PREX2: variants seen among roughly 807,000 people sequenced by gnomAD.
The protein encoded by PREX2 is phosphatidylinositol 3,4,5-trisphosphate-dependent Rac exchanger 2 protein.
Under a neutral mutation model 203.2 loss-of-function variants are expected in PREX2, and 107 were observed. That is an observed-to-expected ratio of 0.53 (90% CI 0.45 to 0.62). The LOEUF (loss-of-function observed/expected upper bound fraction) is 0.62, where lower values mean the gene tolerates loss of function less well. Among genes scored for constraint, PREX2 ranks in the 20% least tolerant of loss-of-function variants. PREX2 has a pLI of 0.00. For missense variants in PREX2, 1,777 were observed against 1,955.9 expected (o/e 0.91, Z 1.72); for synonymous variants, 672 against 663.6 (o/e 1.01, Z -0.19).
intron 23 of PREX2, chr8:68,100,231 A>G (rs1203184093): frequency 6.6e-6 from 3 of 456,526 alleles, no homozygotes; most frequent in South Asian, 1.6e-5. Context: ...CAGAAAGTAC[A>G]TAGACTGTGG....
chr8:68,031,042 A>T (rs375696601), intron 6 of PREX2, among the ~76,000 whole-genome samples: 1 of 151,940 alleles, frequency 6.6e-6, no homozygotes, highest in East Asian at 1.9e-4. Flanking sequence ...TTACTTTCAG[A>T]CTCTAAATTA....
At chr8:68,080,952 CA>C (rs1336272429) in intron 17 of PREX2, 114 bp downstream of exon 17, 1 of 712,130 alleles carries the variant, frequency 1.4e-6, no homozygotes, top group Non-Finnish European at 2.5e-6. Context: ...TTATCTTTAT[CA>C]AACATAATGT....
chr8:67,957,700 A>G (rs1000048843), intron 1 of PREX2, among the ~76,000 whole-genome samples: 3 of 152,198 alleles, frequency 2.0e-5, no homozygotes, highest in Non-Finnish European at 4.4e-5. Flanking sequence ...ATTTGAATGC[A>G]TCTGAAATCA....
chr8:68,048,276 A>G (rs888736852), intron 8 of PREX2, among the ~76,000 whole-genome samples: 1 of 152,090 alleles, frequency 6.6e-6, no homozygotes, highest in Non-Finnish European at 1.5e-5. Context: ...ATTAATTTTC[A>G]TGGTAATTTT....
At chr8:68,173,456 T>C (rs913306934) in intron 35 of PREX2, among the ~76,000 whole-genome samples, 1 of 152,202 alleles carries the variant, frequency 6.6e-6, no homozygotes, top group Non-Finnish European at 1.5e-5. Flanking sequence ...CTTGCCACCA[T>C]TGCTTTACTG....
intron 6 of PREX2, among the ~76,000 whole-genome samples, chr8:68,034,450 A>T (rs1807975034): frequency 1.3e-5 from 2 of 152,178 alleles, no homozygotes. Flanking sequence ...GAGTATCAAT[A>T]AACATTACGT....
intron 1 of PREX2, among the ~76,000 whole-genome samples, chr8:67,975,272 GTTTTTTTTTT>G (rs75276095): frequency 4.1e-5 from 4 of 96,830 alleles, no homozygotes; most frequent in South Asian, 3.0e-4. Flanking sequence ...CACACGGCCT[GTTTTTTTTTT>G]TTTTTTTTTT....
intron 14 of PREX2, among the ~76,000 whole-genome samples, chr8:68,074,041 A>C (rs1809275586): frequency 6.6e-6 from 1 of 151,708 alleles, no homozygotes; most frequent in Non-Finnish European, 1.5e-5. Flanking sequence ...ATCTCGGCTC[A>C]CTGCAACTTT....
chr8:68,143,423 A>G (rs1811264867), intron 33 of PREX2, among the ~76,000 whole-genome samples: 1 of 152,172 alleles, frequency 6.6e-6, no homozygotes, highest in Non-Finnish European at 1.5e-5. Context: ...CCTCCTCAGA[A>G]GCTGAGCAGA....
At chr8:68,149,059 CTT>C (rs972226106) in intron 34 of PREX2, among the ~76,000 whole-genome samples, 4 of 152,174 alleles carry the variant, frequency 2.6e-5, no homozygotes, top group Admixed American at 2.6e-4. Flanking sequence ...ATACATGACT[CTT>C]TGCTAGCAAA....
intron 34 of PREX2, among the ~76,000 whole-genome samples, chr8:68,151,272 C>G (rs373184198): frequency 1.3e-5 from 2 of 151,980 alleles, no homozygotes; most frequent in African/African-American, 4.8e-5. Flanking sequence ...AAAAAATTAG[C>G]TGGTTCTGGT....
intron 6 of PREX2, among the ~76,000 whole-genome samples, chr8:68,032,588 T>G (rs959634512): frequency 3.5e-4 from 54 of 152,264 alleles, no homozygotes; most frequent in African/African-American, 1.3e-3. Flanking sequence ...GAACTTGGTT[T>G]TCAGGCCTGG....
chr8:68,120,306 C>A lies in PREX2; in HGVS notation c.3595+20C>A, dbSNP rs767591575. On this transcript the variant is annotated intron_variant, in intron 29 of 39. Transcript: ENST00000288368. Reference sequence around the variant, plus strand: ...TGCAAGGTAAGCCTTGAAAAATTAACTAGTAGAAGCAATTGAGAAAAACAA... The same window carrying A: ...TGCAAGGTAAGCCTTGAAAAATTAAATAGTAGAAGCAATTGAGAAAAACAA... The A allele has an allele frequency of 1.9e-6, 3 of 1,560,172 alleles. No individual in the cohort carries two copies. The highest frequency in any genetic ancestry group is 2.7e-6 in the Non-Finnish European group (3 of 1,131,124).
intron 35 of PREX2, among the ~76,000 whole-genome samples, chr8:68,167,474 T>C (rs1384188487): frequency 6.6e-6 from 1 of 151,926 alleles, no homozygotes; most frequent in Non-Finnish European, 1.5e-5. Flanking sequence ...GCTGGGACTA[T>C]AGGCATGCCA....
At chr8:67,993,240 G>T (rs143084908) in intron 1 of PREX2, among the ~76,000 whole-genome samples, 241 of 152,190 alleles carry the variant, frequency 1.6e-3, no homozygotes, top group African/African-American at 5.7e-3. Flanking sequence ...CTCACAGGAT[G>T]TTTTATTAAA....
At chr8:68,006,432 G>A (rs964926625) in intron 1 of PREX2, among the ~76,000 whole-genome samples, 3 of 152,160 alleles carry the variant, frequency 2.0e-5, no homozygotes, top group East Asian at 1.9e-4. Context: ...GAAGAAGTCA[G>A]TTATATCCTA....
chr8:68,143,013 G>A (rs1236933913), intron 33 of PREX2, among the ~76,000 whole-genome samples: 3 of 152,174 alleles, frequency 2.0e-5, no homozygotes, highest in South Asian at 4.2e-4. Context: ...AGCTCAGTAC[G>A]GTTTTAATTT....
At chr8:67,972,388 T>C (rs1476692676) in intron 1 of PREX2, among the ~76,000 whole-genome samples, 2 of 152,268 alleles carry the variant, frequency 1.3e-5, no homozygotes, top group Non-Finnish European at 2.9e-5. Context: ...TCATTGCCTC[T>C]TGCAGCTCCT....
At position 68,193,676 on chromosome 8, in the gene PREX2, A is replaced by G. The variant is rs192687943; in HGVS notation, c.4604+1151A>G. 3.2e-4 allele frequency among the ~76,000 whole-genome samples: 49 copies of G among 152,372 alleles called. No homozygotes were observed. In the East Asian group the frequency reaches 9.3e-3, roughly 29 times the overall value. ...AAGAACAAGAAGACATAAATGGTCTAGGAAAGTTACAGCTAAAGAGTAGGA... is the reference window on the plus strand; with the variant it reads ...AAGAACAAGAAGACATAAATGGTCTGGGAAAGTTACAGCTAAAGAGTAGGA... On this transcript the variant is annotated intron_variant, in intron 37 of 39. Coordinates refer to ENST00000288368, the MANE Select transcript of PREX2 (RefSeq NM_024870.4).
Sources: gnomAD v4.1 joint callset for allele counts (sites outside exome capture counted in the v4.1 genomes callset) on GRCh38, gnomAD v4.1.1 for gene constraint, MANE v1.5 for transcripts, NCBI Gene and HGNC (gene_info 2026-07-23, HGNC 2026-07-21) for gene names.